Variants in CFAP299 observed in about 807,000 individuals in gnomAD.
CFAP299 encodes cilia and flagella associated protein 299.
A neutral mutation model predicts 27.0 loss-of-function variants in CFAP299; 21 were observed. The ratio of observed to expected loss-of-function variants is 0.78; its 90% confidence interval spans 0.55 to 1.12. The LOEUF is 1.12. CFAP299 is among the 50% of genes most tolerant of loss of function. The pLI, the probability that CFAP299 is intolerant of heterozygous loss-of-function variation, is 0.00. For synonymous variants in CFAP299, 104 were observed against 98.1 expected (o/e 1.06, Z -0.36); for missense variants, 310 against 276.6 (o/e 1.12, Z -0.86).
intron 4 of CFAP299, among the ~76,000 whole-genome samples, chr4:80,942,477 A>G (rs533203067): frequency 6.6e-6 from 1 of 152,240 alleles, no homozygotes; most frequent in South Asian, 2.1e-4. Context: ...CTAGATAATT[A>G]TTATTTATTT....
At chr4:80,504,462 CATATATATATATATATATATATATAT>C (rs56729877) in intron 2 of CFAP299, among the ~76,000 whole-genome samples, 16 of 37,776 alleles carry the variant, frequency 4.2e-4, no homozygotes, top group Middle Eastern at 0.042. Flanking sequence ...TAAAATCTCA[CATATATATATATATATATATATATAT>C]ATATATATAT....
intron 3 of CFAP299, among the ~76,000 whole-genome samples, chr4:80,749,018 G>A (rs1463706825): frequency 6.6e-6 from 1 of 151,986 alleles, no homozygotes; most frequent in African/African-American, 2.4e-5. Context: ...AGTGTGATAG[G>A]TTTTTTTCTC....
chr4:80,390,756 C>CAT (rs1416713330), intron 2 of CFAP299, among the ~76,000 whole-genome samples: 224 of 95,572 alleles, frequency 2.3e-3, no homozygotes, highest in East Asian at 5.3e-3. Flanking sequence ...TATATACACA[C>CAT]ATATGTATAT....
At chr4:80,503,050 G>A (rs984270260) in intron 2 of CFAP299, among the ~76,000 whole-genome samples, 8 of 152,106 alleles carry the variant, frequency 5.3e-5, no homozygotes, top group Non-Finnish European at 1.0e-4. Flanking sequence ...TAATGTTATC[G>A]AGAGGCAGAA....
intron 3 of CFAP299, among the ~76,000 whole-genome samples, chr4:80,834,558 C>G (rs962566486): frequency 1.3e-5 from 2 of 152,178 alleles, no homozygotes; most frequent in Non-Finnish European, 2.9e-5. Context: ...AATGTCCAGT[C>G]TGTTTCTGAC....
At chr4:80,470,844 T>C (rs893559732) in intron 2 of CFAP299, among the ~76,000 whole-genome samples, 5 of 152,084 alleles carry the variant, frequency 3.3e-5, no homozygotes, top group African/African-American at 1.2e-4. Flanking sequence ...AGCAGAAAAA[T>C]TAATTACAAA....
chr4:80,937,468 C>G (rs138571949), intron 4 of CFAP299, among the ~76,000 whole-genome samples: 6 of 151,714 alleles, frequency 4.0e-5, no homozygotes, highest in African/African-American at 1.4e-4. Flanking sequence ...AGTTGTACAC[C>G]ACCATGCCTG....
chr4:80,534,918 AC>A (rs1733652450), intron 2 of CFAP299, among the ~76,000 whole-genome samples: 2 of 152,326 alleles, frequency 1.3e-5, no homozygotes, highest in Middle Eastern at 6.8e-3. Context: ...CAATAGGAAT[AC>A]TTGAAGATGA....
intron 3 of CFAP299, among the ~76,000 whole-genome samples, chr4:80,741,199 C>T (rs986763622): frequency 6.7e-6 from 1 of 149,422 alleles, no homozygotes; most frequent in Non-Finnish European, 1.5e-5. Context: ...CACAGCATTC[C>T]CTGGGTAATC....
At chr4:80,444,958 C>T (rs183873798) in intron 2 of CFAP299, among the ~76,000 whole-genome samples, 4 of 152,190 alleles carry the variant, frequency 2.6e-5, no homozygotes, top group East Asian at 3.9e-4. Context: ...ACATGCAAAT[C>T]GAAACCACAA....
chr4:80,411,564 C>T (rs997181104), intron 2 of CFAP299, among the ~76,000 whole-genome samples: 2 of 151,914 alleles, frequency 1.3e-5, no homozygotes, highest in African/African-American at 4.8e-5. Context: ...ATTTAATAAA[C>T]AACCTTTGCT....
the CFAP299 span, among the ~76,000 whole-genome samples, chr4:80,327,337 T>A: frequency 6.6e-6 from 1 of 151,706 alleles, no homozygotes. Flanking sequence ...TAGAGTGGGA[T>A]TGAGGTAGCG....
the CFAP299 span, among the ~76,000 whole-genome samples, chr4:80,327,690 TTATA>T: frequency 3.2e-3 from 164 of 51,232 alleles, 4 homozygotes; most frequent in African/African-American, 9.7e-3. Context: ...TAGAGAGAAG[TTATA>T]TATATATATA....
Position 80,355,450 on chromosome 4 carries a change from C to T in CFAP299, c.112-7304C>T, listed in dbSNP as rs1461168486. Reference sequence around the variant, plus strand: ...TCGGCTCACTGCAACCTCCGCCTCCCGGGTTCGAGCAATTCTCCTGCCTCA... The same window carrying T: ...TCGGCTCACTGCAACCTCCGCCTCCTGGGTTCGAGCAATTCTCCTGCCTCA... On this transcript the variant is annotated intron_variant, in intron 1 of 5. Transcript: ENST00000358105. 4.0e-5 allele frequency among the ~76,000 whole-genome samples: 6 copies of T among 151,246 alleles called. No homozygotes were observed. In the South Asian group the frequency reaches 8.4e-4, roughly 21 times the overall value.
At chr4:80,763,696 C>A (rs990536995) in intron 3 of CFAP299, among the ~76,000 whole-genome samples, 3 of 152,166 alleles carry the variant, frequency 2.0e-5, no homozygotes, top group Admixed American at 6.6e-5. Context: ...CGCTAACTGA[C>A]TTCAAACTAT....
chr4:80,528,263 A>G (rs1293046708), intron 2 of CFAP299, among the ~76,000 whole-genome samples: 1 of 151,936 alleles, frequency 6.6e-6, no homozygotes, highest in Admixed American at 6.6e-5. Flanking sequence ...CTATATTTTC[A>G]ACCTCATTCT....
chr4:80,767,560 G>T (rs1725951822), intron 3 of CFAP299, among the ~76,000 whole-genome samples: 1 of 152,160 alleles, frequency 6.6e-6, no homozygotes, highest in South Asian at 2.1e-4. Context: ...AGTGAGCCGA[G>T]ATCGCCCCAC....
At chr4:80,447,607 A>C (rs1287954973) in intron 2 of CFAP299, among the ~76,000 whole-genome samples, 1 of 151,780 alleles carries the variant, frequency 6.6e-6, no homozygotes, top group African/African-American at 2.4e-5. Flanking sequence ...GGTATGCGCC[A>C]CCATGCCCTG....
intron 2 of CFAP299, among the ~76,000 whole-genome samples, chr4:80,428,535 T>G (rs772085672): frequency 6.6e-6 from 1 of 152,122 alleles, no homozygotes; most frequent in Non-Finnish European, 1.5e-5. Context: ...CTTTTTTTTC[T>G]TTCTTTTTTT....
Sources: allele counts gnomAD v4.1 joint callset (sites outside exome capture counted in the v4.1 genomes callset), GRCh38; gene constraint gnomAD v4.1.1; transcripts MANE v1.5; gene names NCBI Gene and HGNC (gene_info 2026-07-23, HGNC 2026-07-21).